ADAP2: variants seen among roughly 807,000 people sequenced by gnomAD.
ADAP2 encodes the protein arf-GAP with dual PH domain-containing protein 2.
A neutral mutation model predicts 54.9 loss-of-function variants in ADAP2; 42 were observed. The ratio of observed to expected loss-of-function variants is 0.77; its 90% confidence interval spans 0.60 to 0.99. ADAP2 has a LOEUF of 0.99. Ranked by LOEUF, ADAP2 falls within the 50% of genes least tolerant of loss-of-function variation. ADAP2 has a pLI of 0.00. For missense variants in ADAP2, 429 were observed against 480.4 expected, an observed-to-expected ratio of 0.89 and a Z score of 1.00; for synonymous variants, 177 against 180.1, an observed-to-expected ratio of 0.98 and a Z score of 0.14.
intron 4 of ADAP2, among the ~76,000 whole-genome samples, chr17:30,933,752 C>T (rs912377124): frequency 1.3e-5 from 2 of 152,222 alleles, no homozygotes; most frequent in African/African-American, 2.4e-5. Flanking sequence ...CCCGCCTCGG[C>T]CTCCCAAAGT....
At chr17:30,949,097 G>C (rs1255833296) in intron 6 of ADAP2, among the ~76,000 whole-genome samples, 190 bp from the exon 7 acceptor site, 2 of 152,176 alleles carry the variant, frequency 1.3e-5, no homozygotes, top group Non-Finnish European at 2.9e-5. Flanking sequence ...CTTCCTGCTT[G>C]CCCGGGTTAG....
chr17:30,938,413 T>G (rs1912038224), intron 5 of ADAP2, among the ~76,000 whole-genome samples: 1 of 152,192 alleles, frequency 6.6e-6, no homozygotes, highest in African/African-American at 2.4e-5. Flanking sequence ...AGGAGCTGCA[T>G]TCTGTTGGTC....
chr17:30,923,172 G>T, intron 2 of ADAP2, 102 bp downstream of exon 2: 1 of 1,375,788 alleles, frequency 7.3e-7, no homozygotes. Flanking sequence ...GAGAACCAGA[G>T]AGGGGCAAGT....
chr17:30,943,707 C>G (rs777923363), intron 5 of ADAP2, among the ~76,000 whole-genome samples: 22 of 151,938 alleles, frequency 1.4e-4, no homozygotes, highest in Non-Finnish European at 1.8e-4. Context: ...ATTAGCCAGG[C>G]ATGGCGGCAC....
intron 5 of ADAP2, among the ~76,000 whole-genome samples, chr17:30,941,717 A>G (rs910861205): frequency 2.0e-5 from 3 of 152,162 alleles, no homozygotes; most frequent in Non-Finnish European, 4.4e-5. Flanking sequence ...GATCTCATTT[A>G]TATGAAATTT....
intron 5 of ADAP2, among the ~76,000 whole-genome samples, chr17:30,939,842 T>A (rs1912142460): frequency 6.6e-6 from 1 of 151,456 alleles, no homozygotes; most frequent in Non-Finnish European, 1.5e-5. Flanking sequence ...TTTCTCAACA[T>A]AAGCTCCATC....
At chr17:30,955,718 G>GAAAAAAAAAGAAAC (rs1480741274) in intron 9 of ADAP2, among the ~76,000 whole-genome samples, 11 of 147,912 alleles carry the variant, frequency 7.4e-5, no homozygotes, top group Non-Finnish European at 1.3e-4. Flanking sequence ...AAAAAAGAAA[G>GAAAAAAAAAGAAAC]AAAAAAAAAG....
chr17:30,951,594 C>T (rs893897637), intron 7 of ADAP2, among the ~76,000 whole-genome samples: 14 of 151,968 alleles, frequency 9.2e-5, no homozygotes, highest in African/African-American at 3.4e-4. Context: ...CCTCGGCCTC[C>T]CAAAGTGCTG....
At chr17:30,927,331 T>C (rs1417071646) in intron 3 of ADAP2, among the ~76,000 whole-genome samples, 1 of 152,132 alleles carries the variant, frequency 6.6e-6, no homozygotes, top group Non-Finnish European at 1.5e-5. Flanking sequence ...TGTCTAGAGC[T>C]GGCCAGGCAC....
At chr17:30,927,009 G>A (rs943819249) in intron 3 of ADAP2, 91 bp downstream of exon 3, 6 of 1,023,112 alleles carry the variant, frequency 5.9e-6, no homozygotes, top group Non-Finnish European at 7.5e-6. Flanking sequence ...CATCTGTGGT[G>A]GTCTCTTCTA....
rs528063376 is a variant in ADAP2, at chr17:30,953,619, C to T, written c.804+269C>T. ...TGGTGTGATCTCGGCTCACTGCAAC[C>T]TCCGCCTCCCAGATTCAAGCGATTC... On this transcript the variant is annotated intron_variant, in intron 8 of 10. Coordinates refer to ENST00000330889, the MANE Select transcript of ADAP2 (RefSeq NM_018404.3). Among the ~76,000 whole-genome samples, 117 of 150,436 alleles carry T rather than the reference C, an allele frequency of 7.8e-4. 1 individual carries two copies. Among genetic ancestry groups the T allele is most frequent in the South Asian group, 1.9e-3 (9 of 4,758 alleles).
rs557668096 is a variant in ADAP2, at chr17:30,936,589, G to A, written c.510+2292G>A. On this transcript the variant is annotated intron_variant, in intron 5 of 10. Transcript: ENST00000330889. ...TTTTTAATGTGCTTATTGGCCATTT[G>A]TATATCTTATTTGTAGAAATGTCTA... 3.3e-5 allele frequency among the ~76,000 whole-genome samples: 5 copies of A among 150,816 alleles called. No homozygotes were observed. The South Asian group carries it at 1.1e-3, about 32-fold the overall frequency.
intron 9 of ADAP2, 82 bp downstream of exon 9, chr17:30,954,637 A>G (rs1904925247): frequency 8.6e-7 from 1 of 1,165,318 alleles, no homozygotes; most frequent in East Asian, 2.4e-5. Flanking sequence ...TGAAAGCTAC[A>G]GATAAACACA....
intron 5 of ADAP2, among the ~76,000 whole-genome samples, chr17:30,939,206 C>T (rs926458117): frequency 1.2e-4 from 18 of 152,112 alleles, no homozygotes; most frequent in African/African-American, 4.1e-4. Flanking sequence ...GCAGCTGCTG[C>T]GAGTTGGTCT....
chr17:30,954,431 C>G (rs199813260), intron 8 of ADAP2, 47 bp from the exon 9 acceptor site: 11 of 1,576,342 alleles, frequency 7.0e-6, no homozygotes, highest in Non-Finnish European at 8.7e-6. Context: ...CCTCTATCCT[C>G]AGAAACTGAC....
intron 8 of ADAP2, among the ~76,000 whole-genome samples, chr17:30,953,628 C>A (rs1054856100): frequency 1.2e-4 from 18 of 150,102 alleles, no homozygotes; most frequent in Non-Finnish European, 2.7e-4. Context: ...CCTCCGCCTC[C>A]CAGATTCAAG....
rs1420564993 is a variant in ADAP2, at chr17:30,957,835, C to T, written c.1112C>T (p.Thr371Ile). The T allele has an allele frequency of 9.3e-6, 15 of 1,613,804 alleles. No homozygotes were observed. Among genetic ancestry groups the T allele is most frequent in the Non-Finnish European group, 1.3e-5 (15 of 1,179,886 alleles). Reference sequence around the variant, plus strand: ...TCAGCCCTCTTCATTTCCCTTGCAGCTGCATCAACAGAGAGTGGCCGCAGC... The same window carrying T: ...TCAGCCCTCTTCATTTCCCTTGCAGTTGCATCAACAGAGAGTGGCCGCAGC... ...SSPLTPLNRL[T>I]ASTESGRSSR Residue 371 changes from threonine (T) to isoleucine (I), a missense_variant and splice_region_variant, in exon 11 of 11, where the codon ACT (threonine) becomes ATT (isoleucine). Coordinates refer to ENST00000330889, the MANE Select transcript of ADAP2 (RefSeq NM_018404.3).
intron 4 of ADAP2, among the ~76,000 whole-genome samples, chr17:30,933,453 G>A (rs1263131984): frequency 6.6e-6 from 1 of 152,024 alleles, no homozygotes; most frequent in East Asian, 1.9e-4. Context: ...TTCCCAAGGT[G>A]TCAAGATTAC....
At chr17:30,925,379 TGG>T (rs1309152455) in intron 2 of ADAP2, among the ~76,000 whole-genome samples, 1 of 148,012 alleles carries the variant, frequency 6.8e-6, no homozygotes, top group Non-Finnish European at 1.5e-5. Flanking sequence ...TTAGTAGAGA[TGG>T]GGTTTCGCCA....
Sources: gnomAD v4.1 joint callset for allele counts (sites outside exome capture counted in the v4.1 genomes callset) on GRCh38, gnomAD v4.1.1 for gene constraint, MANE v1.5 for transcripts, NCBI Gene and HGNC (gene_info 2026-07-23, HGNC 2026-07-21) for gene names.